Variants in MACROD2 observed in about 807,000 individuals in gnomAD.
MACROD2 encodes mono-ADP ribosylhydrolase 2, also known as ADP-ribose glycohydrolase MACROD2.
MACROD2 carries 36 observed loss-of-function variants against 70.4 expected under a neutral mutation model. The ratio of observed to expected loss-of-function variants is 0.51; its 90% CI spans 0.39 to 0.68. The LOEUF is 0.68. Ranked by LOEUF, MACROD2 falls within the 30% of genes least tolerant of loss-of-function variation. MACROD2 has a pLI of 0.00. For missense variants in MACROD2, 496 were observed against 538.4 expected (o/e 0.92, Z 0.78); for synonymous variants, 172 against 178.8 (o/e 0.96, Z 0.30).
chr20:15,021,858 A>G (rs541280585), intron 5 of MACROD2, among the ~76,000 whole-genome samples: 1 of 152,260 alleles, frequency 6.6e-6, no homozygotes, highest in Admixed American at 6.5e-5. Context: ...TAATAATAAT[A>G]TATCAATACT....
chr20:14,384,035 A>T (rs2083447807), intron 3 of MACROD2, among the ~76,000 whole-genome samples: 1 of 152,128 alleles, frequency 6.6e-6, no homozygotes, highest in South Asian at 2.1e-4. Flanking sequence ...GATCATTTAA[A>T]TGCTTTATTT....
intron 5 of MACROD2, among the ~76,000 whole-genome samples, chr20:15,066,949 C>T (rs535748123): frequency 5.4e-4 from 81 of 150,574 alleles, no homozygotes; most frequent in African/African-American, 1.8e-3. Context: ...GTTTTAAATT[C>T]GTGCAATATG....
At chr20:14,821,157 A>G (rs779569055) in intron 5 of MACROD2, among the ~76,000 whole-genome samples, 13 of 152,114 alleles carry the variant, frequency 8.5e-5, no homozygotes, top group Non-Finnish European at 1.8e-4. Flanking sequence ...TTGACACTGG[A>G]ATACATTATT....
intron 6 of MACROD2, among the ~76,000 whole-genome samples, chr20:15,401,097 G>A (rs2045923803): frequency 6.6e-6 from 1 of 151,882 alleles, no homozygotes. Context: ...GAGTGCAGTG[G>A]CGCCATCTCA....
chr20:14,119,230 C>G (rs111883835), intron 3 of MACROD2, among the ~76,000 whole-genome samples: 7,632 of 130,766 alleles, frequency 0.058, 257 homozygotes, highest in Non-Finnish European at 0.08. Context: ...TTCAGTAATG[C>G]GATCTTGGCT....
intron 3 of MACROD2, among the ~76,000 whole-genome samples, chr20:14,273,873 G>A (rs1395400447): frequency 4.6e-5 from 7 of 152,006 alleles, no homozygotes; most frequent in East Asian, 1.9e-4. Flanking sequence ...ACACCTCTAC[G>A]CAAATAAACT....
chr20:15,619,541 G>C, intron 8 of MACROD2: 2 of 413,316 alleles, frequency 4.8e-6, no homozygotes, highest in Non-Finnish European at 8.6e-6. Flanking sequence ...GGCAGATCCT[G>C]TGTGGTGGGG....
intron 5 of MACROD2, among the ~76,000 whole-genome samples, chr20:14,820,793 C>T (rs1055261363): frequency 6.6e-6 from 1 of 151,846 alleles, no homozygotes; most frequent in Non-Finnish European, 1.5e-5. Flanking sequence ...CTTACTCATT[C>T]GTTGTGCGCT....
In MACROD2 at chr20:15,359,497, T is replaced by C. The variant is rs538315235; in HGVS notation, c.541-71908T>C. On this transcript the variant is annotated intron_variant, in intron 6 of 17. Coordinates refer to ENST00000684519, the MANE Select transcript of MACROD2 (RefSeq NM_001351661.2). ...TATTTTCTTATTGTGTATATATTTATGTGTTAATATATACACAATAATTTC... is the reference window on the plus strand; with the variant it reads ...TATTTTCTTATTGTGTATATATTTACGTGTTAATATATACACAATAATTTC... 4.0e-5 allele frequency among the ~76,000 whole-genome samples: 6 copies of C among 151,586 alleles called. No individual in the cohort carries two copies. In the South Asian group the frequency reaches 1.2e-3, roughly 31 times the overall value.
chr20:14,991,157 T>C (rs2074900391), intron 5 of MACROD2, among the ~76,000 whole-genome samples: 1 of 152,150 alleles, frequency 6.6e-6, no homozygotes, highest in South Asian at 2.1e-4. Context: ...TTTCCACCTT[T>C]CCTAATCCTT....
chr20:14,767,656 TA>T (rs2072108790), intron 5 of MACROD2, among the ~76,000 whole-genome samples: 1 of 151,986 alleles, frequency 6.6e-6, no homozygotes, highest in South Asian at 2.1e-4. Context: ...TAAAAAAAAT[TA>T]TATTTTAAGT....
chr20:14,040,598 G>C (rs1206759942), intron 2 of MACROD2, among the ~76,000 whole-genome samples: 1 of 152,104 alleles, frequency 6.6e-6, no homozygotes, highest in Non-Finnish European at 1.5e-5. Flanking sequence ...AGGGCAGTTA[G>C]CTTGCAGGAC....
intron 5 of MACROD2, among the ~76,000 whole-genome samples, chr20:14,764,885 A>G (rs550189843): frequency 6.6e-6 from 1 of 151,990 alleles, no homozygotes; most frequent in Non-Finnish European, 1.5e-5. Flanking sequence ...ATCAGGATGG[A>G]TGGAATATTT....
intron 6 of MACROD2, among the ~76,000 whole-genome samples, chr20:15,387,065 C>T (rs1209676110): frequency 6.6e-6 from 1 of 152,142 alleles, no homozygotes; most frequent in African/African-American, 2.4e-5. Flanking sequence ...GAGAGAAACG[C>T]CTGTTTCCCT....
At chr20:15,052,391 A>G (rs922613702) in intron 5 of MACROD2, among the ~76,000 whole-genome samples, 2 of 152,162 alleles carry the variant, frequency 1.3e-5, no homozygotes, top group African/African-American at 4.8e-5. Context: ...GAGCAAGCCT[A>G]TTGGCACCAC....
intron 12 of MACROD2, among the ~76,000 whole-genome samples, chr20:15,941,344 C>T (rs771459828): frequency 5.9e-5 from 9 of 152,080 alleles, no homozygotes; most frequent in Non-Finnish European, 1.3e-4. Context: ...AACAGAATGC[C>T]TAGGGTATGA....
At chr20:14,736,769 A>G (rs2071669899) in intron 5 of MACROD2, among the ~76,000 whole-genome samples, 1 of 152,188 alleles carries the variant, frequency 6.6e-6, no homozygotes, top group Non-Finnish European at 1.5e-5. Context: ...ATAACATCAC[A>G]TACATGGTTA....
chr20:15,587,694 C>A (rs933443688), intron 8 of MACROD2, among the ~76,000 whole-genome samples: 1 of 152,122 alleles, frequency 6.6e-6, no homozygotes, highest in Admixed American at 6.5e-5. Context: ...TGAAATCCAG[C>A]AGGGCAGTCA....
At chr20:14,584,325 T>C (rs1981232620) in intron 4 of MACROD2, among the ~76,000 whole-genome samples, 1 of 152,200 alleles carries the variant, frequency 6.6e-6, no homozygotes, top group African/African-American at 2.4e-5. Context: ...AGCTAAAATA[T>C]AGTAAATGTG....
Sources: allele counts gnomAD v4.1 joint callset (sites outside exome capture counted in the v4.1 genomes callset), GRCh38; gene constraint gnomAD v4.1.1; transcripts MANE v1.5; gene names NCBI Gene and HGNC (gene_info 2026-07-23, HGNC 2026-07-21).